The following DEFB134 variants were observed in gnomAD, a reference collection of about 807,000 sequenced individuals.
DEFB134 encodes defensin beta 134.
DEFB134 carries 7 observed loss-of-function variants against 7.4 expected under a neutral mutation model. That is an observed-to-expected ratio of 0.95 (90% CI 0.54 to 1.79). The LOEUF is 1.79. DEFB134 is among the 40% of genes most tolerant of loss of function. DEFB134 has a pLI of 0.00. For synonymous variants in DEFB134, 33 were observed against 25.0 expected (o/e 1.32, Z -0.96); for missense variants, 105 against 74.8 (o/e 1.40, Z -1.49).
At chr8:11,993,970 G>C in exon 2 of DEFB134, 1 of 1,610,176 alleles carries the variant, frequency 6.2e-7, no homozygotes, top group Non-Finnish European at 8.5e-7. Flanking sequence ...CCATTCATTG[G>C]TTTCTTATGT....
rs750301352 is a variant in DEFB134 at position 11,994,028 on chromosome 8, G to C, written c.153C>G (p.Tyr51Ter). The change falls in exon 2 of 2, where the codon TAC becomes TAG. Residue 51 changes from tyrosine (Y) to a stop codon, truncating the protein, a stop_gained. Coordinates refer to ENST00000526438, the Ensembl canonical transcript of DEFB134. LOFTEE classifies it high-confidence loss of function. ...CACAGCACTCCAGCTGAAACATACA[G>C]TAGGCAACTAACATTTCACTCTCAT... 31 of 1,613,934 alleles carry C rather than the reference G, an allele frequency of 1.9e-5. No homozygotes were observed. In the South Asian group the frequency reaches 2.7e-4, roughly 14 times the overall value.
At chr8:11,994,765 A>G (rs1330553843) in intron 1 of DEFB134, among the ~76,000 whole-genome samples, 5 of 152,226 alleles carry the variant, frequency 3.3e-5, no homozygotes, top group African/African-American at 4.8e-5. Context: ...AATCCTGTGA[A>G]TCAAGGACTG....
chr8:11,998,432 T>C (rs565747226), upstream of DEFB134, among the ~76,000 whole-genome samples: 10 of 147,374 alleles, frequency 6.8e-5, no homozygotes, highest in African/African-American at 2.5e-4. Flanking sequence ...GCCTGGGTGA[T>C]AGAGTGAGAC....
In DEFB134 at chr8:11,996,174, C is replaced by G. The variant is rs780596842; in HGVS notation, c.58+20G>C. 6.2e-7 allele frequency: 1 copy of G among 1,613,336 alleles called. No homozygotes were observed. Among genetic ancestry groups the G allele is most frequent in the Non-Finnish European group, 8.5e-7 (1 of 1,179,464 alleles). On this transcript the variant is annotated intron_variant, in intron 1 of 1. Transcript: ENST00000526438. ...CTTCTATATGAAGCACCCCTACCCC[C>G]CAAAATATGCCAGTTTTACCTGCCA... is the stretch of plus-strand genomic sequence containing the variant.
upstream of DEFB134, among the ~76,000 whole-genome samples, chr8:11,998,378 G>T (rs893897272): frequency 3.3e-5 from 5 of 151,890 alleles, no homozygotes; most frequent in African/African-American, 1.2e-4. Context: ...TTGCGCCTAA[G>T]GGGTTGGGAC....
upstream of DEFB134, chr8:11,999,418 C>T (rs916301852): frequency 1.8e-5 from 3 of 169,758 alleles, no homozygotes; most frequent in African/African-American, 7.2e-5. Context: ...AAGCAATATA[C>T]TTTTATCTAT....
At chr8:11,997,544 GAA>G (rs1195107624), upstream of DEFB134, among the ~76,000 whole-genome samples, 2 of 152,060 alleles carry the variant, frequency 1.3e-5, no homozygotes, top group Admixed American at 1.3e-4. Context: ...CAAGCAAATG[GAA>G]AAGAAAAAGA....
intron 1 of DEFB134, 57 bp from the exon 3 acceptor site, chr8:11,994,179 T>C (rs773330998): frequency 1.0e-5 from 16 of 1,542,840 alleles, no homozygotes; most frequent in Non-Finnish European, 1.3e-5. Flanking sequence ...GACCATAAAA[T>C]TGCTAGTCCC....
chr8:11,993,437 C>T (rs1019533844), exon 2 of DEFB134: 4 of 152,288 alleles, frequency 2.6e-5, no homozygotes, highest in African/African-American at 9.7e-5. Flanking sequence ...TCCAGCCCAT[C>T]ACAAGATGGC....
upstream of DEFB134, among the ~76,000 whole-genome samples, chr8:11,996,946 C>T (rs1463349018): frequency 6.6e-6 from 1 of 152,146 alleles, no homozygotes; most frequent in Non-Finnish European, 1.5e-5. Context: ...AAACTTCAAA[C>T]AGTAAAGTGT....
upstream of DEFB134, among the ~76,000 whole-genome samples, chr8:11,996,670 G>A (rs1472191476): frequency 1.3e-5 from 2 of 152,174 alleles, no homozygotes; most frequent in Non-Finnish European, 2.9e-5. Flanking sequence ...CAGATGAACT[G>A]CTCTTCTCAG....
rs1800120416 is a variant in DEFB134, at chr8:11,996,274, G to A, written c.-23C>T. The A allele has an allele frequency of 2.5e-6, 4 of 1,613,346 alleles. No homozygotes were observed. The South Asian group carries it at 3.3e-5, about 13-fold the overall frequency. On this transcript the variant is annotated 5_prime_UTR_variant, in exon 1 of 2. Coordinates refer to ENST00000526438, the Ensembl canonical transcript of DEFB134. ...CATGGCTGGGAACTTCTGTTAAGGAGGCTAGTGGCAGGGTCTGACATCGGC... is the reference window on the plus strand; with the variant it reads ...CATGGCTGGGAACTTCTGTTAAGGAAGCTAGTGGCAGGGTCTGACATCGGC...
exon 2 of DEFB134, chr8:11,993,746 A>T: frequency 2.3e-6 from 1 of 440,680 alleles, no homozygotes. Flanking sequence ...CATCACGTTG[A>T]GGTGAGAAAA....
chr8:11,993,923 T>G, exon 2 of DEFB134: 1 of 1,577,026 alleles, frequency 6.3e-7, no homozygotes, highest in Non-Finnish European at 8.6e-7. Context: ...CCTGGTTTTG[T>G]GAAAGATGGC....
exon 2 of DEFB134, chr8:11,994,086 C>T (rs1395503168): frequency 1.9e-6 from 3 of 1,613,272 alleles, no homozygotes; most frequent in African/African-American, 1.3e-5. Context: ...ATTTTTATAG[C>T]ATTTCTTGTG....
At chr8:11,994,773 C>A (rs1309661421) in intron 1 of DEFB134, among the ~76,000 whole-genome samples, 1 of 152,060 alleles carries the variant, frequency 6.6e-6, no homozygotes, top group Non-Finnish European at 1.5e-5. Flanking sequence ...GAATCAAGGA[C>A]TGTTGGGGTA....
upstream of DEFB134, chr8:11,996,443 T>C (rs573516200): frequency 1.3e-5 from 6 of 463,080 alleles, no homozygotes; most frequent in African/African-American, 2.0e-5. Flanking sequence ...GGAAAAAAAA[T>C]GGACAGCCCT....
upstream of DEFB134, among the ~76,000 whole-genome samples, chr8:11,997,053 C>G (rs533697956): frequency 6.6e-6 from 1 of 152,050 alleles, no homozygotes; most frequent in African/African-American, 2.4e-5. Flanking sequence ...TTTTTCATGC[C>G]TTCTGTAATA....
upstream of DEFB134, among the ~76,000 whole-genome samples, chr8:11,997,383 G>A (rs981016985): frequency 3.3e-5 from 5 of 152,142 alleles, no homozygotes; most frequent in African/African-American, 4.8e-5. Context: ...GGACATTCAT[G>A]TACAAGTCAT....
Sources: gnomAD v4.1 joint callset for allele counts (sites outside exome capture counted in the v4.1 genomes callset) on GRCh38, gnomAD v4.1.1 for gene constraint, MANE v1.5 for transcripts, NCBI Gene and HGNC (gene_info 2026-07-23, HGNC 2026-07-21) for gene names.